Variants in TPRG1 observed in about 807,000 individuals in gnomAD.
TPRG1 encodes the protein tumor protein p63-regulated gene 1 protein.
Under a neutral mutation model 29.3 loss-of-function variants are expected in TPRG1, and 29 were observed. The observed-to-expected ratio is 0.99, with a 90% CI of 0.74 to 1.35. The LOEUF (loss-of-function observed/expected upper bound fraction) is 1.35, where lower values mean the gene tolerates loss of function less well. TPRG1 is among the 40% of genes most tolerant of loss of function. The pLI, the probability that TPRG1 is intolerant of heterozygous loss-of-function variation, is 0.00. For missense variants in TPRG1, 327 were observed against 335.0 expected (o/e 0.98, Z 0.19); for synonymous variants, 130 against 116.8 (o/e 1.11, Z -0.73).
chr3:189,078,995 T>A (rs1314604039), intron 4 of TPRG1, among the ~76,000 whole-genome samples: 1 of 151,980 alleles, frequency 6.6e-6, no homozygotes, highest in African/African-American at 2.4e-5. Flanking sequence ...AGAAAAGAGG[T>A]TTATTGGGCT....
intron 5 of TPRG1, among the ~76,000 whole-genome samples, chr3:189,160,806 C>T (rs1197617543): frequency 6.6e-6 from 1 of 152,208 alleles, no homozygotes; most frequent in Non-Finnish European, 1.5e-5. Context: ...ACGGAAAATA[C>T]TTATCGTGTT....
chr3:189,119,904 G>A (rs562733665), intron 1 of TPRG1, among the ~76,000 whole-genome samples: 95 of 152,286 alleles, frequency 6.2e-4, no homozygotes, highest in African/African-American at 2.0e-3. Flanking sequence ...CCACCGGAGC[G>A]CCTCTGGCTC....
chr3:189,198,751 C>T (rs552517836), intron 1 of TPRG1, among the ~76,000 whole-genome samples: 2 of 152,272 alleles, frequency 1.3e-5, no homozygotes, highest in African/African-American at 4.8e-5. Flanking sequence ...CTAGTGAAGA[C>T]AGGAAAGTAA....
chr3:189,230,204 T>C (rs937583553), intron 3 of TPRG1, among the ~76,000 whole-genome samples: 5 of 152,160 alleles, frequency 3.3e-5, no homozygotes, highest in African/African-American at 1.2e-4. Context: ...ATTTAAAATA[T>C]CCTCTTACTG....
chr3:189,207,476 T>C lies in TPRG1; in HGVS notation c.92T>C (p.Met31Thr). Reference sequence around the variant, plus strand: ...CCCTCTGAGACTGACCACCTATCGATGGAGGAAGAGGACCCGATGCCAAGA... The same window carrying C: ...CCCTCTGAGACTGACCACCTATCGACGGAGGAAGAGGACCCGATGCCAAGA... ...DQPSETDHLS[M>T]EEEDPMPRQI... is the part of the protein sequence containing the mutation. The change falls in exon 2 of 6, where the codon ATG (methionine) becomes ACG (threonine). Residue 31 changes from methionine (M) to threonine (T), a missense_variant. Transcript: ENST00000345063. The C allele has an allele frequency of 6.2e-7, 1 of 1,614,010 alleles. No individual in the cohort carries two copies. The highest frequency in any genetic ancestry group is 1.1e-5 in the South Asian group (1 of 91,078).
At chr3:189,118,957 G>A (rs1454380146) in intron 1 of TPRG1, among the ~76,000 whole-genome samples, 1 of 152,204 alleles carries the variant, frequency 6.6e-6, no homozygotes, top group Non-Finnish European at 1.5e-5. Flanking sequence ...TGAGAAGAAG[G>A]CCACCATCCT....
At chr3:189,047,936 AT>A (rs1287462808) in intron 4 of TPRG1, among the ~76,000 whole-genome samples, 2 of 152,194 alleles carry the variant, frequency 1.3e-5, no homozygotes. Flanking sequence ...CCCCTCAGTT[AT>A]CCATGAATGT....
intron 4 of TPRG1, chr3:189,147,672 A>C (rs1725437427): frequency 6.6e-6 from 1 of 152,248 alleles, no homozygotes; most frequent in Non-Finnish European, 1.5e-5. Flanking sequence ...GCGTACCTCT[A>C]AGTTCTATCC....
At chr3:189,294,459 C>T (rs145835549) in intron 4 of TPRG1, among the ~76,000 whole-genome samples, 2 of 152,264 alleles carry the variant, frequency 1.3e-5, no homozygotes, top group South Asian at 2.1e-4. Flanking sequence ...AAAGGTTGAA[C>T]TGGAATGATC....
At chr3:189,163,123 A>G (rs1727700357) in intron 5 of TPRG1, among the ~76,000 whole-genome samples, 1 of 152,120 alleles carries the variant, frequency 6.6e-6, no homozygotes. Flanking sequence ...AATACAAAAA[A>G]TTAGCTGGGC....
chr3:189,140,747 G>A (rs533114749), intron 3 of TPRG1, among the ~76,000 whole-genome samples: 1 of 152,174 alleles, frequency 6.6e-6, no homozygotes, highest in East Asian at 1.9e-4. Flanking sequence ...GGTATTTCAA[G>A]AGGGTAATCA....
intron 4 of TPRG1, chr3:189,147,654 A>C (rs1283341544): frequency 2.0e-5 from 3 of 152,254 alleles, no homozygotes; most frequent in Non-Finnish European, 1.5e-5. Context: ...ACAGGTAAGG[A>C]GGCTAGGGCG....
At chr3:189,183,684 G>T (rs1730541682) in intron 1 of TPRG1, among the ~76,000 whole-genome samples, 1 of 152,056 alleles carries the variant, frequency 6.6e-6, no homozygotes, top group Admixed American at 6.6e-5. Flanking sequence ...GCTTTGGAAA[G>T]AAGAGAAATA....
chr3:189,237,427 G>A (rs1739697480), intron 3 of TPRG1, among the ~76,000 whole-genome samples: 1 of 152,154 alleles, frequency 6.6e-6, no homozygotes, highest in South Asian at 2.1e-4. Context: ...GGTACCCATT[G>A]CTAAGCATTT....
chr3:189,047,869 T>A (rs1715074835), intron 4 of TPRG1, among the ~76,000 whole-genome samples: 1 of 152,218 alleles, frequency 6.6e-6, no homozygotes, highest in South Asian at 2.1e-4. Context: ...CTTCTCATTC[T>A]AGTTATTTTG....
intron 4 of TPRG1, among the ~76,000 whole-genome samples, chr3:189,258,866 G>A (rs13097624): frequency 0.22 from 33,714 of 152,102 alleles, 4,934 homozygotes; most frequent in Non-Finnish European, 0.33. Context: ...ACCAAGCTCA[G>A]TGTCCCAGGT....
intron 5 of TPRG1, among the ~76,000 whole-genome samples, chr3:189,320,034 T>C (rs890234723): frequency 1.3e-5 from 2 of 152,132 alleles, no homozygotes; most frequent in Admixed American, 1.3e-4. Flanking sequence ...ACTCTAACTT[T>C]CATTACTTTT....
At chr3:189,114,000 T>C (rs1720881616) in intron 1 of TPRG1, among the ~76,000 whole-genome samples, 1 of 152,200 alleles carries the variant, frequency 6.6e-6, no homozygotes, top group Non-Finnish European at 1.5e-5. Flanking sequence ...TTGGTATTAT[T>C]TCTTGGTCAA....
rs185987095 is a variant in TPRG1, at chr3:189,267,347, C to T, written c.479+28438C>T. Among the ~76,000 whole-genome samples, 111 of 152,284 alleles carry T rather than the reference C, an allele frequency of 7.3e-4. 2 individuals carry two copies. The highest frequency in any genetic ancestry group is 4.9e-4 in the Non-Finnish European group (33 of 68,020). ...GATGTATTTCTTTTGTTAAGTGATGCATGACTTTATACATTGGCCTTGCCC... is the reference window on the plus strand; with the variant it reads ...GATGTATTTCTTTTGTTAAGTGATGTATGACTTTATACATTGGCCTTGCCC... On this transcript the variant is annotated intron_variant, in intron 4 of 5. Transcript: ENST00000345063.
Sources: allele counts gnomAD v4.1 joint callset (sites outside exome capture counted in the v4.1 genomes callset), GRCh38; gene constraint gnomAD v4.1.1; transcripts MANE v1.5; gene names NCBI Gene and HGNC (gene_info 2026-07-23, HGNC 2026-07-21).